The following RSPRY1 variants were observed in gnomAD, a reference collection of about 807,000 sequenced individuals.
RSPRY1 encodes ring finger and SPRY domain containing 1, also known as RING finger and SPRY domain-containing protein 1.
RSPRY1 carries 23 observed loss-of-function variants against 73.1 expected under a neutral mutation model. The ratio of observed to expected loss-of-function variants is 0.31; its 90% CI spans 0.23 to 0.45. The LOEUF is 0.45. Among genes scored for constraint, RSPRY1 ranks in the 20% least tolerant of loss-of-function variants. The probability of loss-of-function intolerance (pLI) is 1.00; values close to 1 mark genes in which losing one functional copy is unlikely to be tolerated. For synonymous variants in RSPRY1, 226 were observed against 251.4 expected (o/e 0.90, Z 0.95); for missense variants, 448 against 698.7 (o/e 0.64, Z 4.05).
intron 4 of RSPRY1, among the ~76,000 whole-genome samples, chr16:57,210,611 G>A (rs1449552062): frequency 3.3e-5 from 5 of 152,082 alleles, no homozygotes; most frequent in Non-Finnish European, 7.3e-5. Flanking sequence ...TACTCAGGAG[G>A]CTGAGGCACG....
At chr16:57,218,970 T>G (rs575088030) in intron 8 of RSPRY1, among the ~76,000 whole-genome samples, 1 of 149,118 alleles carries the variant, frequency 6.7e-6, no homozygotes, top group Non-Finnish European at 1.5e-5. Flanking sequence ...TCTCCTGACC[T>G]CGTGATCCGC....
chr16:57,216,821 C>T, intron 7 of RSPRY1, 83 bp from the exon 8 acceptor site: 4 of 1,310,724 alleles, frequency 3.1e-6, no homozygotes, highest in Non-Finnish European at 4.4e-6. Context: ...ATTGCCTCTT[C>T]CCCCTCCTTA....
intron 1 of RSPRY1, among the ~76,000 whole-genome samples, chr16:57,200,291 TC>T (rs2074545640): frequency 6.6e-6 from 1 of 151,050 alleles, no homozygotes; most frequent in Non-Finnish European, 1.5e-5. Context: ...ATGAAAAGTC[TC>T]CCATGTCTAC....
intron 3 of RSPRY1, among the ~76,000 whole-genome samples, chr16:57,208,400 A>ATATATTT (rs1472775482): frequency 4.0e-5 from 2 of 50,132 alleles, no homozygotes; most frequent in African/African-American, 1.7e-4. Flanking sequence ...ATATATATAT[A>ATATATTT]TTTTTTTTTT....
intron 1 of RSPRY1, among the ~76,000 whole-genome samples, chr16:57,195,339 C>G (rs911403684): frequency 1.3e-5 from 2 of 151,876 alleles, no homozygotes; most frequent in African/African-American, 4.8e-5. Context: ...TGGTGAAACC[C>G]CATCTCTACT....
At chr16:57,193,641 C>T (rs1407923515) in intron 1 of RSPRY1, among the ~76,000 whole-genome samples, 4 of 151,946 alleles carry the variant, frequency 2.6e-5, no homozygotes, top group East Asian at 1.9e-4. Context: ...TACAGGCACA[C>T]GCCACTGTGC....
At chr16:57,198,506 C>T (rs1473310532) in intron 1 of RSPRY1, among the ~76,000 whole-genome samples, 3 of 152,172 alleles carry the variant, frequency 2.0e-5, no homozygotes, top group African/African-American at 7.2e-5. Context: ...TTTTTAACTT[C>T]TTTCCTCACA....
chr16:57,206,859 T>A (rs991978525), intron 2 of RSPRY1, among the ~76,000 whole-genome samples: 1 of 152,220 alleles, frequency 6.6e-6, no homozygotes, highest in Non-Finnish European at 1.5e-5. Flanking sequence ...GCCCCCACGC[T>A]TGGCCCCTTG....
intron 1 of RSPRY1, among the ~76,000 whole-genome samples, chr16:57,203,277 T>TA (rs2074660009): frequency 6.6e-6 from 1 of 152,116 alleles, no homozygotes; most frequent in African/African-American, 2.4e-5. Context: ...GCCTGGGTGA[T>TA]AGAGCGAGAC....
chr16:57,208,831 A>C (rs2074780134), intron 3 of RSPRY1, among the ~76,000 whole-genome samples: 1 of 152,254 alleles, frequency 6.6e-6, no homozygotes, highest in Admixed American at 6.5e-5. Flanking sequence ...ATGTGAGAGC[A>C]CAAGACCATA....
intron 10 of RSPRY1, 89 bp from the exon 11 acceptor site, chr16:57,227,253 A>G (rs1333725225): frequency 1.2e-6 from 1 of 828,454 alleles, no homozygotes; most frequent in Admixed American, 2.0e-5. Flanking sequence ...AATCCCAGCC[A>G]TTAGGTCAGT....
chr16:57,212,422 G>A (rs944574089), intron 4 of RSPRY1, among the ~76,000 whole-genome samples: 1 of 152,098 alleles, frequency 6.6e-6, no homozygotes, highest in African/African-American at 2.4e-5. Flanking sequence ...ATCTGAGTGG[G>A]TTTAATCTGT....
intron 6 of RSPRY1, among the ~76,000 whole-genome samples, chr16:57,215,492 T>A (rs547077895): frequency 3.1e-4 from 47 of 152,262 alleles, no homozygotes; most frequent in African/African-American, 1.1e-3. Flanking sequence ...AGCACAGCTA[T>A]GAGAAGGTGT....
At chr16:57,238,737 A>T (rs2075337314) in intron 14 of RSPRY1, 142 bp from the exon 15 acceptor site, 1 of 522,706 alleles carries the variant, frequency 1.9e-6, no homozygotes, top group Non-Finnish European at 3.4e-6. Context: ...TTTTATTTAC[A>T]TATTCATTTT....
chr16:57,209,413 G>C (rs1186032707), intron 4 of RSPRY1, among the ~76,000 whole-genome samples: 2 of 151,916 alleles, frequency 1.3e-5, no homozygotes, highest in East Asian at 3.9e-4. Context: ...GCCCAGGCTG[G>C]AGTGCAATGA....
At chr16:57,208,398 ATAT>A (rs1487695424) in intron 3 of RSPRY1, among the ~76,000 whole-genome samples, 113 of 17,232 alleles carry the variant, frequency 6.6e-3, no homozygotes, top group Admixed American at 0.063. Context: ...ATATATATAT[ATAT>A]TTTTTTTTTT....
chr16:57,214,670 C>T (rs2074906826), intron 6 of RSPRY1, among the ~76,000 whole-genome samples: 1 of 152,242 alleles, frequency 6.6e-6, no homozygotes. Context: ...AACAAAACTA[C>T]TCAGACAAGG....
chr16:57,206,145 G>A lies in RSPRY1; in HGVS notation c.350+1137G>A, dbSNP rs545100163. On this transcript the variant is annotated intron_variant, in intron 2 of 14. Transcript: ENST00000394420. ...TGGCCAGACACAATGGCTCATACCT[G>A]TAATTCCAACACTTTTGAGAGGCTG... is the stretch of plus-strand genomic sequence containing the variant. Among the ~76,000 whole-genome samples the A allele has an allele frequency of 3.3e-5, 5 of 152,270 alleles. No individual in the cohort carries two copies. In the East Asian group the frequency reaches 5.8e-4, roughly 18 times the overall value.
chr16:57,198,831 G>T (rs2074503353), intron 1 of RSPRY1, among the ~76,000 whole-genome samples: 1 of 152,208 alleles, frequency 6.6e-6, no homozygotes, highest in African/African-American at 2.4e-5. Flanking sequence ...AGGCTGTGGG[G>T]TATTAGAGCA....
Sources: gnomAD v4.1 joint callset for allele counts (sites outside exome capture counted in the v4.1 genomes callset) on GRCh38, gnomAD v4.1.1 for gene constraint, MANE v1.5 for transcripts, NCBI Gene and HGNC (gene_info 2026-07-23, HGNC 2026-07-21) for gene names.